SUZ12: variants seen among roughly 807,000 people sequenced by gnomAD.
SUZ12 encodes polycomb protein SUZ12.
Under a neutral mutation model 87.3 loss-of-function variants are expected in SUZ12, and 17 were observed. That is an observed-to-expected ratio of 0.19 (90% CI 0.13 to 0.29). The LOEUF (loss-of-function observed/expected upper bound fraction) is 0.29, where lower values mean the gene tolerates loss of function less well. Among genes scored for constraint, SUZ12 ranks in the 10% least tolerant of loss-of-function variants. The pLI, the probability that SUZ12 is intolerant of heterozygous loss-of-function variation, is 1.00. For synonymous variants in SUZ12, 253 were observed against 312.4 expected (o/e 0.81, Z 2.01); for missense variants, 526 against 912.2 (o/e 0.58, Z 5.45).
rs1198810667 is a variant in SUZ12 at position 31,937,153 on chromosome 17, C to T, written c.-94C>T. ...TCTCCTCCTTCCCCCCTCGGTCCGCCGGAGCCTGCTGGGGCGAGCGGTTGG... is the reference window on the plus strand; with the variant it reads ...TCTCCTCCTTCCCCCCTCGGTCCGCTGGAGCCTGCTGGGGCGAGCGGTTGG... On this transcript the variant is annotated 5_prime_UTR_variant, in exon 1 of 16. Coordinates refer to ENST00000322652, the MANE Select transcript of SUZ12 (RefSeq NM_015355.4). 3.5e-6 allele frequency: 4 copies of T among 1,135,248 alleles called. No homozygotes were observed. The Admixed American group carries it at 1.3e-4, about 36-fold the overall frequency. The allele number at this position is 1,135,248 out of a possible 1,614,324, so 70.3% of individuals were successfully genotyped here. A position where few individuals can be genotyped will look rare whatever the true frequency, so the allele number is the denominator to read the frequency against.
intron 15 of SUZ12, 147 bp downstream of exon 15, chr17:31,997,024 T>A: frequency 1.7e-6 from 1 of 583,464 alleles, no homozygotes; most frequent in Non-Finnish European, 2.6e-6. Flanking sequence ...ATTCCAATGT[T>A]TTTTGGTTTG....
At chr17:31,966,315 G>T in intron 5 of SUZ12, 119 bp downstream of exon 5, 1 of 907,632 alleles carries the variant, frequency 1.1e-6, no homozygotes, top group Non-Finnish European at 1.7e-6. Flanking sequence ...AAATATGTTG[G>T]TTCTGATGTT....
At chr17:31,956,512 T>A (rs559566810) in intron 4 of SUZ12, among the ~76,000 whole-genome samples, 1 of 152,124 alleles carries the variant, frequency 6.6e-6, no homozygotes. Flanking sequence ...ATATAGTTAT[T>A]GTTTCTGCAT....
At chr17:31,989,825 G>A (rs1237356602) in intron 10 of SUZ12, among the ~76,000 whole-genome samples, 7 of 148,086 alleles carry the variant, frequency 4.7e-5, no homozygotes, top group Non-Finnish European at 4.5e-5. Context: ...TAGCCAGGAT[G>A]GTCTCGATCT....
intron 6 of SUZ12, among the ~76,000 whole-genome samples, chr17:31,973,554 A>G (rs1366049625): frequency 1.3e-5 from 2 of 152,196 alleles, no homozygotes; most frequent in Non-Finnish European, 2.9e-5. Flanking sequence ...GTTTGTACCC[A>G]TTGACATTTT....
chr17:31,987,527 A>G (rs1385490679), intron 9 of SUZ12, among the ~76,000 whole-genome samples: 2 of 152,228 alleles, frequency 1.3e-5, no homozygotes, highest in Non-Finnish European at 2.9e-5. Flanking sequence ...AGAGAAGTCA[A>G]AGAAAATTAC....
chr17:31,987,222 C>T (rs958942258), intron 9 of SUZ12, among the ~76,000 whole-genome samples: 1 of 151,948 alleles, frequency 6.6e-6, no homozygotes, highest in Non-Finnish European at 1.5e-5. Flanking sequence ...ACAAAAATAA[C>T]GTGAGAAGGA....
At chr17:31,964,412 G>GGTTTTT (rs1247699131) in intron 4 of SUZ12, among the ~76,000 whole-genome samples, 24 of 141,488 alleles carry the variant, frequency 1.7e-4, no homozygotes, top group African/African-American at 6.0e-4. Context: ...CAACTCTGTA[G>GGTTTTT]GTTTTTTTTT....
At chr17:31,991,025 G>A (rs1203096477) in intron 10 of SUZ12, among the ~76,000 whole-genome samples, 2 of 152,208 alleles carry the variant, frequency 1.3e-5, no homozygotes, top group East Asian at 3.8e-4. Context: ...GGGACTACAG[G>A]CTTGAGCCAT....
intron 10 of SUZ12, 137 bp from the exon 11 acceptor site, chr17:31,993,105 G>A (rs559332772): frequency 1.2e-5 from 7 of 566,324 alleles, no homozygotes; most frequent in African/African-American, 1.2e-4. Context: ...CATCAGTTGA[G>A]GGAGATAACA....
At chr17:31,947,252 A>G (rs1394804834) in intron 3 of SUZ12, among the ~76,000 whole-genome samples, 2 of 152,204 alleles carry the variant, frequency 1.3e-5, no homozygotes, top group Non-Finnish European at 2.9e-5. Context: ...CTTCAGGAAT[A>G]TATAATCTAG....
intron 9 of SUZ12, among the ~76,000 whole-genome samples, chr17:31,985,921 A>G (rs1598182231): frequency 6.6e-6 from 1 of 151,774 alleles, no homozygotes; most frequent in Non-Finnish European, 1.5e-5. Flanking sequence ...TCGGCCTCCC[A>G]AAGTACTGGG....
At chr17:31,968,548 T>A (rs185573445) in intron 5 of SUZ12, among the ~76,000 whole-genome samples, 5 of 152,330 alleles carry the variant, frequency 3.3e-5, no homozygotes, top group African/African-American at 1.2e-4. Flanking sequence ...AGGGTTTTTA[T>A]GTAAGAAATT....
chr17:31,983,367 C>G (rs1289388316), intron 9 of SUZ12, among the ~76,000 whole-genome samples: 3 of 151,314 alleles, frequency 2.0e-5, no homozygotes, highest in Non-Finnish European at 2.9e-5. Context: ...CCTCCACCTC[C>G]CGGGTTCAAG....
At chr17:31,956,919 G>A (rs573709193) in intron 4 of SUZ12, among the ~76,000 whole-genome samples, 2 of 152,134 alleles carry the variant, frequency 1.3e-5, no homozygotes, top group Admixed American at 1.3e-4. Context: ...GGGATTATAG[G>A]CATGTGCCAC....
At chr17:31,947,775 T>C in intron 4 of SUZ12, 90 bp downstream of exon 4, 4 of 1,345,652 alleles carry the variant, frequency 3.0e-6, no homozygotes, top group East Asian at 2.6e-5. Context: ...CACCTTGATA[T>C]AAGGAGTTAG....
At chr17:31,983,941 TA>T (rs1271381483) in intron 9 of SUZ12, among the ~76,000 whole-genome samples, 1 of 152,236 alleles carries the variant, frequency 6.6e-6, no homozygotes, top group African/African-American at 2.4e-5. Flanking sequence ...TTCAAAACTG[TA>T]ACGATGTCTT....
intron 6 of SUZ12, among the ~76,000 whole-genome samples, chr17:31,974,272 C>T (rs572863398): frequency 5.1e-4 from 78 of 152,206 alleles, no homozygotes; most frequent in African/African-American, 1.7e-3. Context: ...TGGTGGCTCA[C>T]GCCTGTAATC....
chr17:31,965,413 C>G (rs1429810733), intron 4 of SUZ12, among the ~76,000 whole-genome samples: 2 of 152,062 alleles, frequency 1.3e-5, no homozygotes, highest in East Asian at 3.9e-4. Flanking sequence ...TTATTTTATC[C>G]CATGCTTATT....
Sources: allele counts gnomAD v4.1 joint callset (sites outside exome capture counted in the v4.1 genomes callset), GRCh38; gene constraint gnomAD v4.1.1; transcripts MANE v1.5; gene names NCBI Gene and HGNC (gene_info 2026-07-23, HGNC 2026-07-21).